The following YPEL2 variants were observed in gnomAD, a reference collection of about 807,000 sequenced individuals.
YPEL2 encodes the protein yippee like 2.
YPEL2 carries 2 observed loss-of-function variants against 19.1 expected under a neutral mutation model. The observed-to-expected ratio is 0.10, with a 90% CI of 0.04 to 0.33. YPEL2 has a LOEUF of 0.33. Among genes scored for constraint, YPEL2 ranks in the 10% least tolerant of loss-of-function variants. The pLI is 1.00. For synonymous variants in YPEL2, 52 were observed against 50.0 expected (o/e 1.04, Z -0.17); for missense variants, 66 against 140.7 (o/e 0.47, Z 2.68).
chr17:59,395,663 C>T (rs1009924412), intron 4 of YPEL2, among the ~76,000 whole-genome samples: 1 of 152,116 alleles, frequency 6.6e-6, no homozygotes, highest in Non-Finnish European at 1.5e-5. Flanking sequence ...TATACAGCTC[C>T]TGTCTCCACA....
chr17:59,394,246 C>T (rs970572857), intron 4 of YPEL2, among the ~76,000 whole-genome samples: 2 of 152,142 alleles, frequency 1.3e-5, no homozygotes, highest in African/African-American at 4.8e-5. Flanking sequence ...ACACTCCTCA[C>T]TTCCCACACG....
At chr17:59,385,427 A>G (rs1364063367) in intron 2 of YPEL2, among the ~76,000 whole-genome samples, 1 of 151,808 alleles carries the variant, frequency 6.6e-6, no homozygotes, top group East Asian at 1.9e-4. Context: ...AAAAATCCAA[A>G]ATTAGCCAGG....
At chr17:59,346,632 T>G (rs896676581) in intron 1 of YPEL2, among the ~76,000 whole-genome samples, 1 of 152,110 alleles carries the variant, frequency 6.6e-6, no homozygotes, top group Non-Finnish European at 1.5e-5. Flanking sequence ...GTGATGGTGT[T>G]TAGCTTCTAC....
chr17:59,380,697 A>G (rs1461383699), intron 2 of YPEL2, among the ~76,000 whole-genome samples: 1 of 152,270 alleles, frequency 6.6e-6, no homozygotes, highest in African/African-American at 2.4e-5. Context: ...GCTAGTATAC[A>G]GTACAACAAG....
intron 4 of YPEL2, among the ~76,000 whole-genome samples, chr17:59,393,970 C>G (rs181005154): frequency 6.6e-6 from 1 of 152,254 alleles, no homozygotes; most frequent in South Asian, 2.1e-4. Flanking sequence ...ACCTTTCCCC[C>G]TTTTCTATTC....
chr17:59,392,477 C>T (rs963463248), intron 4 of YPEL2, among the ~76,000 whole-genome samples: 3 of 150,766 alleles, frequency 2.0e-5, no homozygotes, highest in African/African-American at 4.9e-5. Context: ...AATATGCATC[C>T]GTCACCTCCT....
chr17:59,375,141 T>C (rs2047914392), intron 2 of YPEL2, among the ~76,000 whole-genome samples: 1 of 152,162 alleles, frequency 6.6e-6, no homozygotes, highest in Non-Finnish European at 1.5e-5. Flanking sequence ...AGAGGTTTGG[T>C]AGAAATGTGG....
At chr17:59,367,395 A>C (rs1011730943) in intron 2 of YPEL2, among the ~76,000 whole-genome samples, 2 of 152,232 alleles carry the variant, frequency 1.3e-5, no homozygotes, top group African/African-American at 4.8e-5. Flanking sequence ...GGCTAGATCC[A>C]AAGGTCTGCA....
chr17:59,358,487 G>A (rs1465906618), intron 2 of YPEL2, among the ~76,000 whole-genome samples: 2 of 151,960 alleles, frequency 1.3e-5, no homozygotes, highest in African/African-American at 2.4e-5. Flanking sequence ...ATGCAGTGGC[G>A]TAGGGGCAGT....
intron 1 of YPEL2, among the ~76,000 whole-genome samples, chr17:59,341,721 G>A (rs2047732281): frequency 6.6e-6 from 1 of 152,190 alleles, no homozygotes; most frequent in Admixed American, 6.5e-5. Flanking sequence ...GACCTCAAAG[G>A]ATCAGAGGCA....
At chr17:59,382,091 G>T (rs1031308847) in intron 2 of YPEL2, among the ~76,000 whole-genome samples, 1 of 152,172 alleles carries the variant, frequency 6.6e-6, no homozygotes, top group Admixed American at 6.5e-5. Context: ...GACTTGGCAG[G>T]GGCCCCAGAA....
Position 59,334,571 on chromosome 17 carries a change from A to AACACACACACACACACAC in YPEL2, c.-196+2766_-196+2783dup, listed in dbSNP as rs35386954. Among the ~76,000 whole-genome samples, 38 of 145,226 alleles carry AACACACACACACACACAC rather than the reference A, an allele frequency of 2.6e-4. 2 individuals carry two copies. The highest frequency in any genetic ancestry group is 3.6e-3 in the Middle Eastern group (1 of 276). ...ATGCTGTTATCTGCCTTCAGGCACA[A>AACACACACACACACACAC]ACACACACACACACACACACACACA... On this transcript the variant is annotated intron_variant, in intron 1 of 4. Transcript: ENST00000312655.
chr17:59,332,998 T>C (rs1337483463), intron 1 of YPEL2, among the ~76,000 whole-genome samples: 1 of 152,214 alleles, frequency 6.6e-6, no homozygotes, highest in African/African-American at 2.4e-5. Context: ...AGGGTAGCGG[T>C]CAGCTTCCCT....
chr17:59,384,281 A>G (rs1423832043), intron 2 of YPEL2, among the ~76,000 whole-genome samples: 6 of 152,238 alleles, frequency 3.9e-5, no homozygotes, highest in Admixed American at 3.9e-4. Context: ...TCCATTTCAA[A>G]TTAATTTTGT....
chr17:59,354,413 GT>G lies in YPEL2; in HGVS notation c.117+893del, dbSNP rs1226039370. On this transcript the variant is annotated intron_variant, in intron 2 of 4. Transcript: ENST00000312655. ...CCATCTTTACGCAGACCGAGACGAA[GT>G]TTTTTGTTTTGTTTTTAAATGTGTT... is the stretch of plus-strand genomic sequence containing the variant. The G allele has an allele frequency of 2.0e-5, 3 of 152,146 alleles. No individual in the cohort carries two copies. In the South Asian group the frequency reaches 6.2e-4, roughly 32 times the overall value. The allele number at this position is 152,146 out of a possible 1,614,324, so 9.4% of individuals were successfully genotyped here.
chr17:59,386,503 T>C (rs546067853), intron 2 of YPEL2, among the ~76,000 whole-genome samples: 42 of 152,260 alleles, frequency 2.8e-4, no homozygotes, highest in South Asian at 1.0e-3. Flanking sequence ...GGGAACTTCA[T>C]GGGCAAAGTT....
chr17:59,360,100 G>A (rs987533580), intron 2 of YPEL2, among the ~76,000 whole-genome samples: 4 of 151,984 alleles, frequency 2.6e-5, no homozygotes, highest in African/African-American at 7.3e-5. Context: ...TTTTTGAGAC[G>A]GAATCTTGCA....
chr17:59,356,270 C>T (rs1431523927), intron 2 of YPEL2: 1 of 149,924 alleles, frequency 6.7e-6, no homozygotes, highest in African/African-American at 2.5e-5. Context: ...GGTAATAGGG[C>T]CTTTCATCTG....
At chr17:59,394,956 G>T (rs113052331) in intron 4 of YPEL2, among the ~76,000 whole-genome samples, 2,361 of 152,348 alleles carry the variant, frequency 0.015, 60 homozygotes, top group African/African-American at 0.053. Flanking sequence ...AGGCGTGGCG[G>T]CACGCGCCTG....
Sources: gnomAD v4.1 joint callset for allele counts (sites outside exome capture counted in the v4.1 genomes callset) on GRCh38, gnomAD v4.1.1 for gene constraint, MANE v1.5 for transcripts, NCBI Gene and HGNC (gene_info 2026-07-23, HGNC 2026-07-21) for gene names.